Variants in ATP6V0A4 observed in about 807,000 individuals in gnomAD.
ATP6V0A4 encodes the protein V-type proton ATPase 116 kDa subunit a 4.
A neutral mutation model predicts 107.3 loss-of-function variants in ATP6V0A4; 86 were observed. The observed-to-expected ratio is 0.80, with a 90% CI of 0.67 to 0.96. The LOEUF (loss-of-function observed/expected upper bound fraction) is 0.96, where lower values mean the gene tolerates loss of function less well. ATP6V0A4 is among the 40% of genes least tolerant of loss of function. The pLI is 0.00. For missense variants in ATP6V0A4, 908 were observed against 1,045.6 expected, an observed-to-expected ratio of 0.87 and a Z score of 1.81; for synonymous variants, 353 against 381.4, an observed-to-expected ratio of 0.93 and a Z score of 0.87.
At chr7:138,743,759 G>T (rs1384950661) in intron 14 of ATP6V0A4, among the ~76,000 whole-genome samples, 4 of 152,150 alleles carry the variant, frequency 2.6e-5, no homozygotes, top group Non-Finnish European at 5.9e-5. Context: ...CAAAGGAGAT[G>T]GGCAGAGACA....
At chr7:138,733,220 A>C in intron 16 of ATP6V0A4, 127 bp from the exon 17 acceptor site, 1 of 1,478,664 alleles carries the variant, frequency 6.8e-7, no homozygotes. Flanking sequence ...CTGGCAAACA[A>C]CGGCACCCCC....
At chr7:138,769,062 C>T (rs1207265134) in intron 4 of ATP6V0A4, 111 bp downstream of exon 4, 2 of 1,584,730 alleles carry the variant, frequency 1.3e-6, no homozygotes, top group African/African-American at 1.4e-5. Flanking sequence ...GGGACCACCT[C>T]AAAAAGTATT....
At chr7:138,741,654 G>A (rs761605525) in intron 14 of ATP6V0A4, among the ~76,000 whole-genome samples, 3 of 152,116 alleles carry the variant, frequency 2.0e-5, no homozygotes, top group African/African-American at 7.2e-5. Context: ...CAACATCCCC[G>A]CCTCCTAACA....
chr7:138,790,544 C>A (rs1257646152), intron 1 of ATP6V0A4, among the ~76,000 whole-genome samples: 1 of 152,206 alleles, frequency 6.6e-6, no homozygotes, highest in Non-Finnish European at 1.5e-5. Context: ...ATCAGCCCAC[C>A]TTGGCCTTCC....
chr7:138,751,121 C>CG (rs1806203453), intron 11 of ATP6V0A4, among the ~76,000 whole-genome samples: 1 of 152,118 alleles, frequency 6.6e-6, no homozygotes, highest in African/African-American at 2.4e-5. Context: ...CCCCATCGGC[C>CG]AAACCAGCTG....
chr7:138,785,062 T>C (rs568586432), intron 2 of ATP6V0A4, among the ~76,000 whole-genome samples: 1 of 152,262 alleles, frequency 6.6e-6, no homozygotes, highest in South Asian at 2.1e-4. Context: ...GAGGAGATCA[T>C]TGTAATTTAG....
At chr7:138,791,946 A>G (rs537619039) in intron 1 of ATP6V0A4, among the ~76,000 whole-genome samples, 1 of 152,346 alleles carries the variant, frequency 6.6e-6, no homozygotes. Flanking sequence ...GAAAATAATA[A>G]TAATAATGAC....
intron 13 of ATP6V0A4, among the ~76,000 whole-genome samples, chr7:138,746,407 G>T (rs1805953157): frequency 6.6e-6 from 1 of 152,160 alleles, no homozygotes. Context: ...TTTAAGCTTG[G>T]CATGGAAAAC....
intron 15 of ATP6V0A4, among the ~76,000 whole-genome samples, chr7:138,735,675 C>T (rs1450655953): frequency 6.6e-6 from 1 of 152,194 alleles, no homozygotes; most frequent in Non-Finnish European, 1.5e-5. Flanking sequence ...TGGGCTTTGG[C>T]ATCTAAGTGG....
chr7:138,755,576 G>A (rs1007742178), intron 10 of ATP6V0A4, 113 bp downstream of exon 10: 2 of 1,417,116 alleles, frequency 1.4e-6, no homozygotes, highest in Non-Finnish European at 1.9e-6. Flanking sequence ...GGCATAGCCA[G>A]CATTCCAGCC....
chr7:138,769,557 C>T (rs763416775), intron 3 of ATP6V0A4, among the ~76,000 whole-genome samples: 6 of 152,062 alleles, frequency 3.9e-5, no homozygotes, highest in Non-Finnish European at 5.9e-5. Flanking sequence ...TCAGGTGATC[C>T]GCCCACCTCA....
chr7:138,773,883 C>T lies in ATP6V0A4; in HGVS notation c.-17-2619G>A, dbSNP rs1046836929. 1 of 152,306 alleles carries T rather than the reference C, an allele frequency of 6.6e-6. No homozygotes were observed. The highest frequency in any genetic ancestry group is 2.4e-5 in the African/African-American group (1 of 41,456). 9.4% of individuals were successfully genotyped at this position (152,306 alleles called of 1,614,324 possible). Reference sequence around the variant, plus strand: ...AGACGGTGGTTTCCCCAACCTGACGCACGGAGCAGGGAGCCCCAGGTCTGG... The same window carrying T: ...AGACGGTGGTTTCCCCAACCTGACGTACGGAGCAGGGAGCCCCAGGTCTGG... On this transcript the variant is annotated intron_variant, in intron 2 of 21. Coordinates refer to ENST00000310018, the MANE Select transcript of ATP6V0A4 (RefSeq NM_020632.3). The surrounding 1 kb of genome is among the most constrained non-coding windows in gnomAD (Gnocchi z 5.4).
intron 18 of ATP6V0A4, 161 bp from the exon 19 acceptor site, chr7:138,722,186 A>G (rs760999726): frequency 1.7e-5 from 12 of 711,558 alleles, no homozygotes; most frequent in Non-Finnish European, 2.1e-5. Context: ...CATTTTATAT[A>G]AGCACAATTA....
chr7:138,750,993 C>T (rs1217471278), intron 11 of ATP6V0A4, among the ~76,000 whole-genome samples: 4 of 152,122 alleles, frequency 2.6e-5, no homozygotes, highest in Non-Finnish European at 4.4e-5. Flanking sequence ...GATTCCTCCG[C>T]CTGAAAAACC....
At chr7:138,733,230 C>A in intron 16 of ATP6V0A4, 137 bp from the exon 17 acceptor site, 1 of 1,416,198 alleles carries the variant, frequency 7.1e-7, no homozygotes, top group Non-Finnish European at 9.5e-7. Flanking sequence ...ACGGCACCCC[C>A]CACCCCCCCA....
At chr7:138,794,423 A>G (rs1460726241) in intron 1 of ATP6V0A4, among the ~76,000 whole-genome samples, 12 of 152,196 alleles carry the variant, frequency 7.9e-5, no homozygotes, top group Admixed American at 7.9e-4. Context: ...GGGCCGTTCC[A>G]GGCCACAGAC....
At chr7:138,744,303 T>TTGTAGCTCATGCAG in intron 14 of ATP6V0A4, among the ~76,000 whole-genome samples, 1 of 150,180 alleles carries the variant, frequency 6.7e-6, no homozygotes, top group Non-Finnish European at 1.5e-5. Flanking sequence ...AATGGTGTGA[T>TTGTAGCTCATGCAG]CTCGGCTCGC....
intron 2 of ATP6V0A4, among the ~76,000 whole-genome samples, chr7:138,783,382 G>A (rs1808007688): frequency 6.6e-6 from 1 of 151,894 alleles, no homozygotes; most frequent in South Asian, 2.1e-4. Context: ...ACCAGTCTGG[G>A]CAACATAGCA....
chr7:138,709,028 G>A (rs1020075635), intron 21 of ATP6V0A4, among the ~76,000 whole-genome samples: 5 of 151,958 alleles, frequency 3.3e-5, no homozygotes, highest in African/African-American at 1.2e-4. Context: ...AGCAAACATG[G>A]GGAAACCCCG....
Sources: gnomAD v4.1 joint callset for allele counts (sites outside exome capture counted in the v4.1 genomes callset) on GRCh38, gnomAD v4.1.1 for gene constraint, Gnocchi (gnomAD v3.1) non-coding constraint, MANE v1.5 for transcripts, NCBI Gene and HGNC (gene_info 2026-07-23, HGNC 2026-07-21) for gene names.